Variants in IPPK observed in about 807,000 individuals in gnomAD.
IPPK encodes the protein inositol-pentakisphosphate 2-kinase, also known as IPK1 homolog.
A neutral mutation model predicts 64.6 loss-of-function variants in IPPK; 22 were observed. The ratio of observed to expected loss-of-function variants is 0.34; its 90% CI spans 0.24 to 0.49. The LOEUF (loss-of-function observed/expected upper bound fraction) is 0.49, where lower values mean the gene tolerates loss of function less well. IPPK is among the 20% of genes least tolerant of loss of function. The pLI is 0.99. For synonymous variants in IPPK, 262 were observed against 247.2 expected (o/e 1.06, Z -0.56); for missense variants, 532 against 630.7 (o/e 0.84, Z 1.68).
intron 1 of IPPK, among the ~76,000 whole-genome samples, chr9:92,660,803 A>T (rs1852467115): frequency 1.3e-5 from 2 of 152,256 alleles, no homozygotes; most frequent in African/African-American, 4.8e-5. Flanking sequence ...AATGGAAATT[A>T]TAAATTTCCT....
At chr9:92,654,807 C>A (rs949397932) in intron 3 of IPPK, among the ~76,000 whole-genome samples, 1 of 152,244 alleles carries the variant, frequency 6.6e-6, no homozygotes, top group Non-Finnish European at 1.5e-5. Flanking sequence ...GAGCCGCCAG[C>A]CTGGCTGTCC....
In IPPK at chr9:92,635,358, G is replaced by A. The variant is rs376174213; in HGVS notation, c.917-50C>T. 3.4e-5 allele frequency: 54 copies of A among 1,581,786 alleles called. No individual in the cohort carries two copies. The African/African-American group carries it at 5.4e-4, about 16-fold the overall frequency. On this transcript the variant is annotated intron_variant, in intron 9 of 12. Transcript: ENST00000287996. This position sits in a 1 kb window ranked among gnomAD's most constrained non-coding sequence, Gnocchi z 4.4. ...GAGAGCATGTTGATTATCAAAGAAC[G>A]TGGAGGGAGACACAGGCCGGCGCAG...
At chr9:92,616,950 C>T (rs1851459021) in intron 12 of IPPK, 1 of 152,200 alleles carries the variant, frequency 6.6e-6, no homozygotes, top group Admixed American at 6.5e-5. Flanking sequence ...TTCAAAAGCT[C>T]CTGCCGAGGA....
At chr9:92,658,342 T>C (rs370739150) in intron 2 of IPPK, among the ~76,000 whole-genome samples, 24 of 152,332 alleles carry the variant, frequency 1.6e-4, no homozygotes, top group African/African-American at 5.8e-4. Flanking sequence ...AACGCAAAGC[T>C]TGCCTGATCC....
intron 11 of IPPK, among the ~76,000 whole-genome samples, chr9:92,621,593 C>G (rs939875648): frequency 7.1e-6 from 1 of 140,222 alleles, no homozygotes; most frequent in Non-Finnish European, 1.5e-5. Context: ...AGCTCACTTA[C>G]AGCCTCGACC....
chr9:92,640,406 T>C (rs1010434859), intron 8 of IPPK, among the ~76,000 whole-genome samples: 44 of 151,104 alleles, frequency 2.9e-4, no homozygotes, highest in African/African-American at 9.7e-4. Flanking sequence ...CATCTGCTTA[T>C]AAGGGGAGAC....
At chr9:92,657,775 G>C (rs759042149) in intron 2 of IPPK, among the ~76,000 whole-genome samples, 1 of 152,052 alleles carries the variant, frequency 6.6e-6, no homozygotes, top group Non-Finnish European at 1.5e-5. Context: ...TTTCTCCCAT[G>C]GCTCTCTCCC....
At chr9:92,650,560 T>C (rs1396751586) in intron 4 of IPPK, among the ~76,000 whole-genome samples, 2 of 152,070 alleles carry the variant, frequency 1.3e-5, no homozygotes, top group African/African-American at 2.4e-5. Context: ...ACACCACCCC[T>C]GAGGAGAGGA....
intron 2 of IPPK, among the ~76,000 whole-genome samples, chr9:92,658,105 G>A (rs1028094282): frequency 6.6e-6 from 1 of 152,068 alleles, no homozygotes; most frequent in Non-Finnish European, 1.5e-5. Flanking sequence ...GACCAACAGA[G>A]ATTTGCACAG....
chr9:92,649,711 G>C (rs1852222659), intron 4 of IPPK, 137 bp from the exon 5 acceptor site: 1 of 1,033,824 alleles, frequency 9.7e-7, no homozygotes, highest in Admixed American at 2.4e-5. Context: ...GTCTCCCTGG[G>C]GATTGTGGGA....
intron 9 of IPPK, 78 bp downstream of exon 9, chr9:92,637,923 C>A: frequency 7.1e-7 from 1 of 1,409,150 alleles, no homozygotes; most frequent in Non-Finnish European, 9.3e-7. Context: ...GTGCTGACCG[C>A]CTGGCCACCC....
intron 8 of IPPK, among the ~76,000 whole-genome samples, chr9:92,638,730 G>C (rs1851992208): frequency 6.6e-6 from 1 of 152,256 alleles, no homozygotes; most frequent in Non-Finnish European, 1.5e-5. Context: ...CTGGGGTTCA[G>C]GCCACGCCCA....
chr9:92,665,549 A>C (rs1852577537), intron 1 of IPPK, among the ~76,000 whole-genome samples: 1 of 152,250 alleles, frequency 6.6e-6, no homozygotes, highest in Non-Finnish European at 1.5e-5. Context: ...CCTGAGTATC[A>C]TACATATCCA....
intron 3 of IPPK, among the ~76,000 whole-genome samples, chr9:92,655,821 G>C (rs1435056623): frequency 6.6e-6 from 1 of 152,196 alleles, no homozygotes. Flanking sequence ...GCAGTGAACA[G>C]GCTAGAGGCA....
At chr9:92,664,670 C>G (rs1852557500) in intron 1 of IPPK, among the ~76,000 whole-genome samples, 1 of 152,186 alleles carries the variant, frequency 6.6e-6, no homozygotes, top group African/African-American at 2.4e-5. Flanking sequence ...GCCTAGAGGC[C>G]CACAGTGAGG....
At chr9:92,630,598 A>C (rs1187313213) in intron 11 of IPPK, among the ~76,000 whole-genome samples, 1 of 152,144 alleles carries the variant, frequency 6.6e-6, no homozygotes, top group East Asian at 1.9e-4. Context: ...AAGCTACAAG[A>C]ATGTTAGGCA....
intron 11 of IPPK, among the ~76,000 whole-genome samples, chr9:92,625,380 C>T (rs1172200788): frequency 6.6e-6 from 1 of 152,120 alleles, no homozygotes. Flanking sequence ...ATCTAAAAAT[C>T]TGTCTTACAG....
At chr9:92,655,574 G>T (rs553539620) in intron 3 of IPPK, among the ~76,000 whole-genome samples, 54 of 152,206 alleles carry the variant, frequency 3.5e-4, no homozygotes, top group African/African-American at 1.1e-3. Flanking sequence ...ACCCCACCAG[G>T]TTGCCAATGG....
intron 11 of IPPK, among the ~76,000 whole-genome samples, chr9:92,629,614 T>A (rs1042583846): frequency 6.6e-6 from 1 of 151,036 alleles, no homozygotes; most frequent in Non-Finnish European, 1.5e-5. Flanking sequence ...TAGCCAGGGA[T>A]GGTGGTGTGC....
Sources: gnomAD v4.1 joint callset for allele counts (sites outside exome capture counted in the v4.1 genomes callset) on GRCh38, gnomAD v4.1.1 for gene constraint, Gnocchi (gnomAD v3.1) non-coding constraint, MANE v1.5 for transcripts, NCBI Gene and HGNC (gene_info 2026-07-23, HGNC 2026-07-21) for gene names.